LSM4: variants seen among roughly 807,000 people sequenced by gnomAD.
The protein encoded by LSM4 is LSM4 homolog, U6 small nuclear RNA and mRNA degradation associated, also known as U6 snRNA-associated Sm-like protein LSm4.
In LSM4, 15 loss-of-function variants were observed where a neutral mutation model predicts 22.3. The observed-to-expected ratio is 0.67, with a 90% CI of 0.45 to 1.03. The LOEUF (loss-of-function observed/expected upper bound fraction) is 1.03, where lower values mean the gene tolerates loss of function less well. Among genes scored for constraint, LSM4 ranks in the 50% least tolerant of loss-of-function variants. LSM4 has a pLI of 0.00. For synonymous variants in LSM4, 90 were observed against 79.8 expected (o/e 1.13, Z -0.68); for missense variants, 127 against 198.0 (o/e 0.64, Z 2.15).
chr19:18,316,193 AC>A (rs1164437417), intron 1 of LSM4, 128 bp from the exon 2 acceptor site: 10 of 698,710 alleles, frequency 1.4e-5, no homozygotes, highest in East Asian at 2.9e-5. Context: ...CGTGTCAATC[AC>A]CCCCCACTGG....
chr19:18,316,300 G>A (rs1600169516), intron 1 of LSM4: 1 of 426,668 alleles, frequency 2.3e-6, no homozygotes, highest in East Asian at 4.0e-5. Context: ...TCCCGTAGGT[G>A]GCCACCACCT....
chr19:18,320,202 A>G (rs1192082330), intron 1 of LSM4, among the ~76,000 whole-genome samples: 1 of 152,224 alleles, frequency 6.6e-6, no homozygotes, highest in Non-Finnish European at 1.5e-5. Context: ...ATCTTAAAAG[A>G]AGATACATCA....
At chr19:18,312,764 A>AG in intron 2 of LSM4, 62 bp from the exon 3 acceptor site, 1 of 1,277,410 alleles carries the variant, frequency 7.8e-7, no homozygotes, top group South Asian at 1.2e-5. Context: ...TGGGCCCCTC[A>AG]GGAGGTGTAG....
rs554947580 is a variant in LSM4 at position 18,316,886 on chromosome 19, G to A, written c.4-821C>T. Among the ~76,000 whole-genome samples the A allele has an allele frequency of 2.6e-5, 4 of 152,246 alleles. No homozygotes were observed. In the East Asian group the frequency reaches 7.8e-4, roughly 30 times the overall value. On this transcript the variant is annotated intron_variant, in intron 1 of 4. Coordinates refer to ENST00000593829, the MANE Select transcript of LSM4 (RefSeq NM_012321.5). ...CTGACACTGCCAGGCCCCAATGCAG[G>A]GGTCAATCCCATCAGAGAAGGCCAC...
intron 4 of LSM4, chr19:18,309,172 G>C (rs909004312): frequency 6.5e-6 from 1 of 154,222 alleles, no homozygotes; most frequent in Non-Finnish European, 1.4e-5. Context: ...GCTGGCACCT[G>C]AGCCCAGCAC....
At chr19:18,316,122 G>C (rs1970353116) in intron 1 of LSM4, 57 bp from the exon 2 acceptor site, 1 of 1,569,148 alleles carries the variant, frequency 6.4e-7, no homozygotes. Context: ...TGGGAGCTCT[G>C]GTCTTGAGTC....
At chr19:18,311,614 G>A (rs371059130) in intron 3 of LSM4, among the ~76,000 whole-genome samples, 33 of 152,276 alleles carry the variant, frequency 2.2e-4, no homozygotes, top group African/African-American at 5.8e-4. Context: ...TGGGAGGCAC[G>A]CGGTTCTGCA....
rs758303102 is a variant in LSM4, at chr19:18,307,541, G to A, written c.343C>T (p.Arg115Trp). The change falls in exon 5 of 5, where the codon CGG (arginine) becomes TGG (tryptophan). Residue 115 changes from arginine (R) to tryptophan (W), a missense_variant. Coordinates refer to ENST00000593829, the MANE Select transcript of LSM4 (RefSeq NM_012321.5). ...GGAGRGVFGGRGRGGIPGTGR... is the reference protein window; with the variant it reads ...GGAGRGVFGGWGRGGIPGTGR... Reference sequence around the variant, plus strand: ...GTGCCCGGGATCCCACCTCGGCCCCGGCCACCAAACACACCTAGAGGACAG... The same window carrying A: ...GTGCCCGGGATCCCACCTCGGCCCCAGCCACCAAACACACCTAGAGGACAG... 5.2e-6 allele frequency: 8 copies of A among 1,543,260 alleles called. No homozygotes were observed. The highest frequency in any genetic ancestry group is 7.0e-6 in the Non-Finnish European group (8 of 1,144,414).
rs1295726335 is a variant in LSM4, at chr19:18,307,112, G to A, written c.*352C>T. On this transcript the variant is annotated 3_prime_UTR_variant, in exon 5 of 5. Transcript: ENST00000593829. ...GCTTAAAATAAAAATCTCCCGTCTGGTTGCTGCTCGGAGAGGCTCCAAGAA... is the reference window on the plus strand; with the variant it reads ...GCTTAAAATAAAAATCTCCCGTCTGATTGCTGCTCGGAGAGGCTCCAAGAA... 4.5e-6 allele frequency: 1 copy of A among 222,614 alleles called. No homozygotes were observed. The highest frequency in any genetic ancestry group is 8.7e-6 in the Non-Finnish European group (1 of 114,440). 13.8% of individuals were successfully genotyped at this position (222,614 alleles called of 1,614,324 possible).
At chr19:18,308,809 C>T (rs1439175016) in intron 4 of LSM4, among the ~76,000 whole-genome samples, 1 of 152,208 alleles carries the variant, frequency 6.6e-6, no homozygotes, top group Non-Finnish European at 1.5e-5. Flanking sequence ...ACCAACCTCC[C>T]CTCTCACCAG....
chr19:18,310,580 G>C (rs1309327570), intron 3 of LSM4, among the ~76,000 whole-genome samples: 1 of 152,198 alleles, frequency 6.6e-6, no homozygotes, highest in African/African-American at 2.4e-5. Context: ...CCCCCACTGG[G>C]ACAGATCGAG....
At chr19:18,314,444 G>A (rs867652843) in intron 2 of LSM4, among the ~76,000 whole-genome samples, 4 of 151,812 alleles carry the variant, frequency 2.6e-5, no homozygotes, top group African/African-American at 9.7e-5. Context: ...GGAAAATGGC[G>A]TGAAACCAGG....
Position 18,323,013 on chromosome 19 carries a change from C to G in LSM4, c.3+5G>C. On this transcript the variant is annotated splice_donor_5th_base_variant and intron_variant, in intron 1 of 4. Coordinates refer to ENST00000593829, the MANE Select transcript of LSM4 (RefSeq NM_012321.5). ...GGTGAGACCCCGCAGTTGCCCTGCC[C>G]TCACCATGGTGCCGGCGGGGACCGG... The G allele has an allele frequency of 6.3e-7, 1 of 1,582,158 alleles. No individual in the cohort carries two copies. Among genetic ancestry groups the G allele is most frequent in the Non-Finnish European group, 8.6e-7 (1 of 1,169,538 alleles).
At chr19:18,309,312 A>C in intron 4 of LSM4, 1 of 237,954 alleles carries the variant, frequency 4.2e-6, no homozygotes, top group Non-Finnish European at 8.1e-6. Flanking sequence ...ATTTTATGCC[A>C]ATTCATCATC....
intron 1 of LSM4, 87 bp from the exon 2 acceptor site, chr19:18,316,152 G>C (rs922704199): frequency 8.1e-7 from 1 of 1,234,122 alleles, no homozygotes; most frequent in African/African-American, 1.5e-5. Context: ...ACTCATAGAT[G>C]GTGCGGTGCG....
rs2232969 is a variant in LSM4 at position 18,309,924 on chromosome 19, G to A, written c.145-63C>T. On this transcript the variant is annotated intron_variant, in intron 3 of 4. Transcript: ENST00000593829. ...GGCCGTCTGGCCCAGCCCTGGGAGC[G>A]CGGGAGGCCCTGCAGATCCTGCCCA... 4.7e-4 allele frequency: 720 copies of A among 1,534,822 alleles called. 5 individuals are homozygous for A. In the African/African-American group the frequency reaches 8.8e-3, roughly 19 times the overall value.
intron 4 of LSM4, among the ~76,000 whole-genome samples, chr19:18,308,322 G>A (rs770376169): frequency 6.6e-6 from 1 of 152,186 alleles, no homozygotes; most frequent in Non-Finnish European, 1.5e-5. Flanking sequence ...AGGCCTGGAC[G>A]CAGCAGGTTG....
intron 1 of LSM4, among the ~76,000 whole-genome samples, chr19:18,319,432 C>T (rs776027502): frequency 1.2e-4 from 18 of 150,082 alleles, no homozygotes; most frequent in Non-Finnish European, 1.2e-4. Flanking sequence ...CATGGTGGCG[C>T]ACACCTGTAG....
intron 3 of LSM4, among the ~76,000 whole-genome samples, chr19:18,310,744 C>T (rs184867211): frequency 3.4e-4 from 52 of 152,102 alleles, no homozygotes; most frequent in Non-Finnish European, 6.6e-4. Context: ...GCTTGGAACC[C>T]ACCCAGGGCC....
Sources: allele counts gnomAD v4.1 joint callset (sites outside exome capture counted in the v4.1 genomes callset), GRCh38; gene constraint gnomAD v4.1.1; transcripts MANE v1.5; gene names NCBI Gene and HGNC (gene_info 2026-07-23, HGNC 2026-07-21).